The following GLG1 variants were observed in gnomAD, a reference collection of about 807,000 sequenced individuals.
The protein encoded by GLG1 is Golgi apparatus protein 1.
Under a neutral mutation model 160.5 loss-of-function variants are expected in GLG1, and 38 were observed. That is an observed-to-expected ratio of 0.24 (90% CI 0.18 to 0.31). The LOEUF is 0.31. GLG1 is among the 10% of genes least tolerant of loss of function. The pLI is 1.00. For missense variants in GLG1, 1,373 were observed against 1,505.2 expected, an observed-to-expected ratio of 0.91 and a Z score of 1.45; for synonymous variants, 644 against 543.4, an observed-to-expected ratio of 1.19 and a Z score of -2.57.
intron 1 of GLG1, among the ~76,000 whole-genome samples, chr16:74,543,437 T>C (rs146678069): frequency 0.019 from 2,862 of 152,296 alleles, 37 homozygotes; most frequent in Non-Finnish European, 0.027. Flanking sequence ...TGTGAATAGC[T>C]ACTGCACTCC....
In GLG1 at chr16:74,503,602, A is replaced by T; in HGVS notation, c.703T>A (p.Cys235Ser). The T allele has an allele frequency of 6.2e-7, 1 of 1,613,838 alleles. No individual in the cohort carries two copies. Among genetic ancestry groups the T allele is most frequent in the South Asian group, 1.1e-5 (1 of 91,078 alleles). Residue 235 changes from cysteine (C) to serine (S), a missense_variant, in exon 4 of 26, where the codon TGT becomes AGT. Physicochemically the swap from Cys to Ser is moderately radical, Grantham distance 112. Transcript: ENST00000422840. ...AIIFSDYRLICGFMDDCKNDI... is the reference protein window; with the variant it reads ...AIIFSDYRLISGFMDDCKNDI... ...TTTTTGCAGTCATCCATGAAGCCAC[A>T]GATTAAACGGTAATCACTAAAAATG...
At chr16:74,572,243 G>A (rs985304288) in intron 1 of GLG1, among the ~76,000 whole-genome samples, 1 of 152,160 alleles carries the variant, frequency 6.6e-6, no homozygotes, top group Non-Finnish European at 1.5e-5. Flanking sequence ...GGGCACGGTG[G>A]CTCGCACCTG....
At chr16:74,567,694 G>A (rs368888046) in intron 1 of GLG1, among the ~76,000 whole-genome samples, 25 of 149,082 alleles carry the variant, frequency 1.7e-4, no homozygotes, top group African/African-American at 4.0e-4. Context: ...TCAGCCTCCC[G>A]AGTAGCTGGG....
intron 1 of GLG1, among the ~76,000 whole-genome samples, chr16:74,576,974 C>T (rs2019022627): frequency 6.6e-6 from 1 of 151,334 alleles, no homozygotes; most frequent in African/African-American, 2.4e-5. Context: ...CTGTCAGTCT[C>T]CCAGTGGCAT....
intron 1 of GLG1, among the ~76,000 whole-genome samples, chr16:74,595,206 T>C (rs1958271292): frequency 6.9e-6 from 1 of 145,042 alleles, no homozygotes; most frequent in African/African-American, 2.6e-5. Flanking sequence ...ATAATAATAA[T>C]TTAATTAACA....
At chr16:74,527,377 G>T (rs1335998566) in intron 2 of GLG1, among the ~76,000 whole-genome samples, 1 of 150,596 alleles carries the variant, frequency 6.6e-6, no homozygotes, top group Non-Finnish European at 1.5e-5. Flanking sequence ...GGCCTCCTGA[G>T]TAGCTGGGAT....
intron 2 of GLG1, among the ~76,000 whole-genome samples, chr16:74,525,452 C>A (rs1168835154): frequency 6.6e-6 from 1 of 152,088 alleles, no homozygotes; most frequent in Non-Finnish European, 1.5e-5. Context: ...CCGTGCCTGG[C>A]TACATTTTTA....
intron 1 of GLG1, among the ~76,000 whole-genome samples, chr16:74,598,895 C>T (rs1190195293): frequency 1.3e-5 from 2 of 151,238 alleles, no homozygotes; most frequent in East Asian, 3.9e-4. Flanking sequence ...ACAACAACAA[C>T]AAATATATAA....
intron 3 of GLG1, among the ~76,000 whole-genome samples, chr16:74,505,697 T>C (rs983639466): frequency 6.6e-6 from 1 of 151,914 alleles, no homozygotes; most frequent in African/African-American, 2.4e-5. Context: ...TCTAATAAAA[T>C]ACAAAAAATT....
At chr16:74,477,944 G>A (rs1370227256) in intron 11 of GLG1, among the ~76,000 whole-genome samples, 1 of 147,252 alleles carries the variant, frequency 6.8e-6, no homozygotes, top group African/African-American at 2.5e-5. Flanking sequence ...CTGCACTCCA[G>A]CCTGGGCAAC....
chr16:74,507,804 C>A lies in GLG1; in HGVS notation c.558+1035G>T, dbSNP rs191125681. Among the ~76,000 whole-genome samples the A allele has an allele frequency of 7.8e-4, 118 of 152,178 alleles. 1 individual carries two copies. The East Asian group carries it at 0.017, about 22-fold the overall frequency. On this transcript the variant is annotated intron_variant, in intron 3 of 25. Transcript: ENST00000422840. ...AGGGAAAATACAAACATTTAAAGTT[C>A]AAGCCTAGGAATAATTTGTTAGTAT...
intron 1 of GLG1, among the ~76,000 whole-genome samples, chr16:74,591,276 AGCCAACATCGT>A (rs1958177578): frequency 6.6e-6 from 1 of 151,978 alleles, no homozygotes; most frequent in Admixed American, 6.6e-5. Context: ...GGCTGCCGTG[AGCCAACATCGT>A]GCCACTGCAC....
rs201252969 is a variant in GLG1, at chr16:74,465,634, T to C, written c.2667+42A>G. On this transcript the variant is annotated intron_variant, in intron 19 of 25. Coordinates refer to ENST00000422840, the MANE Select transcript of GLG1 (RefSeq NM_001145667.2). ...CTGCCATTGTTTGTGCTTTGTTGTT[T>C]TGTTGTTCATCCGTGCTCGGCCTTT... The C allele has an allele frequency of 5.0e-6, 8 of 1,601,034 alleles. No individual in the cohort carries two copies. In the East Asian group the frequency reaches 1.6e-4, roughly 31 times the overall value.
intron 1 of GLG1, among the ~76,000 whole-genome samples, chr16:74,577,709 G>C (rs1406832583): frequency 6.6e-6 from 1 of 151,976 alleles, no homozygotes; most frequent in African/African-American, 2.4e-5. Flanking sequence ...GATCTCTTGA[G>C]CTCAAGCAAT....
chr16:74,478,069 T>C (rs867639080), intron 11 of GLG1, among the ~76,000 whole-genome samples: 8 of 152,150 alleles, frequency 5.3e-5, no homozygotes, highest in Non-Finnish European at 1.2e-4. Context: ...ATTATACATA[T>C]TCAGCAGTTT....
intron 2 of GLG1, among the ~76,000 whole-genome samples, chr16:74,528,704 C>A (rs2017423221): frequency 1.4e-5 from 2 of 146,888 alleles, no homozygotes; most frequent in South Asian, 4.3e-4. Context: ...CCCAGCTACT[C>A]AGGAGGCTGA....
chr16:74,580,648 C>A (rs759697006), intron 1 of GLG1, among the ~76,000 whole-genome samples: 10 of 152,198 alleles, frequency 6.6e-5, no homozygotes, highest in Non-Finnish European at 8.8e-5. Flanking sequence ...ACTAAAAGCA[C>A]AGACAACAAA....
chr16:74,502,700 C>T (rs1395305473), intron 4 of GLG1, among the ~76,000 whole-genome samples: 10 of 148,620 alleles, frequency 6.7e-5, no homozygotes, highest in African/African-American at 1.5e-4. Flanking sequence ...CCTGCCACCA[C>T]GCCCGGCTAA....
chr16:74,554,817 C>T (rs910283081), intron 1 of GLG1, among the ~76,000 whole-genome samples: 3 of 152,156 alleles, frequency 2.0e-5, no homozygotes, highest in Non-Finnish European at 4.4e-5. Context: ...AGTGGACCTA[C>T]TGACAGATGC....
Sources: allele counts gnomAD v4.1 joint callset (sites outside exome capture counted in the v4.1 genomes callset), GRCh38; gene constraint gnomAD v4.1.1; transcripts MANE v1.5; gene names NCBI Gene and HGNC (gene_info 2026-07-23, HGNC 2026-07-21).